EIF2AK2: variants seen among roughly 807,000 people sequenced by gnomAD.
EIF2AK2 encodes the protein eukaryotic translation initiation factor 2 alpha kinase 2.
A neutral mutation model predicts 70.5 loss-of-function variants in EIF2AK2; 40 were observed. That is an observed-to-expected ratio of 0.57 (90% CI 0.44 to 0.74). EIF2AK2 has a LOEUF of 0.74. Among genes scored for constraint, EIF2AK2 ranks in the 30% least tolerant of loss-of-function variants. The probability of loss-of-function intolerance (pLI) is 0.00; values close to 1 mark genes in which losing one functional copy is unlikely to be tolerated. For missense variants in EIF2AK2, 555 were observed against 644.3 expected (o/e 0.86, Z 1.50); for synonymous variants, 198 against 220.9 (o/e 0.90, Z 0.92).
intron 11 of EIF2AK2, among the ~76,000 whole-genome samples, chr2:37,124,828 A>T (rs759735359): frequency 6.6e-6 from 1 of 151,456 alleles, no homozygotes; most frequent in Non-Finnish European, 1.5e-5. Flanking sequence ...ACTGGGCTCA[A>T]ATGGTCCTCC....
At chr2:37,118,936 G>A (rs1039109184) in intron 13 of EIF2AK2, among the ~76,000 whole-genome samples, 7 of 152,162 alleles carry the variant, frequency 4.6e-5, no homozygotes, top group East Asian at 1.9e-4. Flanking sequence ...CTTCTGCCTA[G>A]AACAGAAAAA....
chr2:37,128,702 A>G (rs1270271760), intron 10 of EIF2AK2, among the ~76,000 whole-genome samples: 1 of 152,204 alleles, frequency 6.6e-6, no homozygotes, highest in African/African-American at 2.4e-5. Flanking sequence ...TTGGACAAGC[A>G]CCACTACTTT....
chr2:37,145,199 G>T (rs1675487343), intron 4 of EIF2AK2, among the ~76,000 whole-genome samples: 1 of 142,144 alleles, frequency 7.0e-6, no homozygotes, highest in South Asian at 2.3e-4. Context: ...CTGGAATGTA[G>T]TGGCACGATC....
Position 37,138,263 on chromosome 2 carries a change from A to G in EIF2AK2, c.687+7T>C. 6.2e-7 allele frequency: 1 copy of G among 1,605,604 alleles called. No homozygotes were observed. The highest frequency in any genetic ancestry group is 8.5e-7 in the Non-Finnish European group (1 of 1,174,054). ...TTAAGTAGGAAGCTTCGAGACTAAT[A>G]CGATACCATAAGCAACGAAGAACTG... On this transcript the variant is annotated splice_region_variant and intron_variant, in intron 8 of 16. Coordinates refer to ENST00000233057, the MANE Select transcript of EIF2AK2 (RefSeq NM_001135651.3).
At position 37,148,905 on chromosome 2, in the gene EIF2AK2, G is replaced by A; in HGVS notation, c.-65C>T. On this transcript the variant is annotated 5_prime_UTR_variant, in exon 2 of 17. Transcript: ENST00000233057. ...TGCACGCAGATAATCACGGAAGTGT[G>A]GATGTTGATTCTGAAGACCGCCAGA... 1.2e-6 allele frequency: 1 copy of A among 827,032 alleles called. No homozygotes were observed. 51.2% of individuals were successfully genotyped at this position (827,032 alleles called of 1,614,324 possible).
chr2:37,154,378 T>C (rs1014728515), intron 1 of EIF2AK2, among the ~76,000 whole-genome samples: 11 of 151,910 alleles, frequency 7.2e-5, no homozygotes, highest in Non-Finnish European at 1.3e-4. Context: ...AATTCAATCA[T>C]GCAGTCTCCA....
At chr2:37,133,167 C>T (rs982315746) in intron 10 of EIF2AK2, among the ~76,000 whole-genome samples, 5 of 152,152 alleles carry the variant, frequency 3.3e-5, no homozygotes, top group African/African-American at 1.2e-4. Flanking sequence ...GTACTCACTC[C>T]AAACACATAA....
rs965012306 is a variant in EIF2AK2, at chr2:37,103,769, G to C, written c.*3504C>G. On this transcript the variant is annotated 3_prime_UTR_variant, in exon 17 of 17. Transcript: ENST00000233057. ...TGTGCCCTCTTTCTCTCTCCATGTT[G>C]ATTTTTGCTGAACATTGAAAGTTGC... The C allele has an allele frequency of 1.3e-5, 2 of 152,126 alleles. No individual in the cohort carries two copies. The highest frequency in any genetic ancestry group is 2.9e-5 in the Non-Finnish European group (2 of 68,034). The allele number at this position is 152,126 out of a possible 1,614,324, so 9.4% of individuals were successfully genotyped here.
intron 3 of EIF2AK2, 128 bp downstream of exon 3, chr2:37,147,560 G>C (rs1324940968): frequency 2.1e-6 from 1 of 472,932 alleles, no homozygotes; most frequent in African/African-American, 2.0e-5. Flanking sequence ...AGAACATGCG[G>C]TGTTTGGTTT....
chr2:37,101,863 A>G lies in EIF2AK2; in HGVS notation c.*5410T>C, dbSNP rs1413977554. 1 of 152,212 alleles carries G rather than the reference A, an allele frequency of 6.6e-6. No homozygotes were observed. Among genetic ancestry groups the G allele is most frequent in the East Asian group, 1.9e-4 (1 of 5,206 alleles). 9.4% of individuals were successfully genotyped at this position (152,212 alleles called of 1,614,324 possible). A position where few individuals can be genotyped will look rare whatever the true frequency, so the allele number is the denominator to read the frequency against. On this transcript the variant is annotated 3_prime_UTR_variant, in exon 17 of 17. Coordinates refer to ENST00000233057, the MANE Select transcript of EIF2AK2 (RefSeq NM_001135651.3). ...TCTTGTCAATTTTTTGAGTGTGACA[A>G]TGATGCTGTGGTTTTGTTAAAAAGA...
chr2:37,151,739 C>T (rs1284234385), intron 1 of EIF2AK2, among the ~76,000 whole-genome samples: 5 of 152,160 alleles, frequency 3.3e-5, no homozygotes, highest in East Asian at 1.9e-4. Context: ...ATCTACACAG[C>T]GGAATATTAT....
intron 4 of EIF2AK2, among the ~76,000 whole-genome samples, chr2:37,143,473 A>G (rs1301658055): frequency 6.6e-6 from 1 of 152,204 alleles, no homozygotes; most frequent in East Asian, 1.9e-4. Flanking sequence ...CGGGTTTCAA[A>G]TCCCTGGATT....
At chr2:37,135,609 T>C in intron 9 of EIF2AK2, 63 bp from the exon 10 acceptor site, 1 of 1,429,802 alleles carries the variant, frequency 7.0e-7, no homozygotes, top group South Asian at 1.2e-5. Flanking sequence ...ACTTATTTAG[T>C]GTTAATGTTA....
At chr2:37,141,740 A>G in intron 4 of EIF2AK2, 39 bp from the exon 5 acceptor site, 1 of 1,552,820 alleles carries the variant, frequency 6.4e-7, no homozygotes, top group Non-Finnish European at 8.7e-7. Context: ...ATAAATGACA[A>G]CAAAGATTTA....
intron 14 of EIF2AK2, among the ~76,000 whole-genome samples, chr2:37,111,861 C>CAAAAA (rs1196685884): frequency 3.1e-5 from 1 of 32,086 alleles, no homozygotes; most frequent in African/African-American, 1.3e-4. Context: ...GACCCTGTCT[C>CAAAAA]AAAAAAAAAA....
At chr2:37,138,660 C>T (rs4648187) in intron 6 of EIF2AK2, 75 bp from the exon 7 acceptor site, 89 of 1,237,852 alleles carry the variant, frequency 7.2e-5, no homozygotes, top group Non-Finnish European at 1.0e-4. Flanking sequence ...TTTCTATGTA[C>T]TATCACATTT....
chr2:37,149,527 T>C (rs559620146), intron 1 of EIF2AK2, among the ~76,000 whole-genome samples: 2 of 151,326 alleles, frequency 1.3e-5, no homozygotes, highest in African/African-American at 2.4e-5. Flanking sequence ...AATATAAACA[T>C]GTAGGGTGTA....
In EIF2AK2 at chr2:37,116,281, A is replaced by C. The variant is rs4648223; in HGVS notation, c.1249-1422T>G. Among the ~76,000 whole-genome samples the C allele has an allele frequency of 0.011, 1,673 of 152,082 alleles. 71 individuals are homozygous for C. The East Asian group carries it at 0.14, about 13-fold the overall frequency. On this transcript the variant is annotated intron_variant, in intron 13 of 16. Transcript: ENST00000233057. ...GTTATCCAGGATGGATTTCAGTGGC[A>C]TGATCATGGCTCACTGCAGCCTTGA...
At chr2:37,150,304 A>C (rs928077902) in intron 1 of EIF2AK2, among the ~76,000 whole-genome samples, 1 of 152,218 alleles carries the variant, frequency 6.6e-6, no homozygotes, top group Non-Finnish European at 1.5e-5. Flanking sequence ...ACTCAGTATC[A>C]TAAGTCACTT....
Sources: allele counts gnomAD v4.1 joint callset (sites outside exome capture counted in the v4.1 genomes callset), GRCh38; gene constraint gnomAD v4.1.1; transcripts MANE v1.5; gene names NCBI Gene and HGNC (gene_info 2026-07-23, HGNC 2026-07-21).